UBN2: variants seen among roughly 807,000 people sequenced by gnomAD.
The protein encoded by UBN2 is ubinuclein-2.
A neutral mutation model predicts 120.2 loss-of-function variants in UBN2; 35 were observed. That is an observed-to-expected ratio of 0.29 (90% CI 0.22 to 0.39). UBN2 has a LOEUF of 0.39. Among genes scored for constraint, UBN2 ranks in the 10% least tolerant of loss-of-function variants. UBN2 has a pLI of 1.00. For missense variants in UBN2, 1,693 were observed against 1,663.2 expected, an observed-to-expected ratio of 1.02 and a Z score of -0.31; for synonymous variants, 661 against 648.7, an observed-to-expected ratio of 1.02 and a Z score of -0.29.
rs777999406 is a variant in UBN2, at chr7:139,299,624, C to CT, written c.*1789dup. The CT allele has an allele frequency of 9.2e-5, 14 of 152,072 alleles. No individual in the cohort carries two copies. The highest frequency in any genetic ancestry group is 1.6e-4 in the Non-Finnish European group (11 of 68,004). The allele number at this position is 152,072 out of a possible 1,614,324, so 9.4% of individuals were successfully genotyped here. On this transcript the variant is annotated 3_prime_UTR_variant, in exon 18 of 18. Coordinates refer to ENST00000473989, the MANE Select transcript of UBN2 (RefSeq NM_173569.4). ...GAATCACTGATATAATTTCTTGACT[C>CT]TAAGAATTTAGTTTATCAATAAAAC...
intron 17 of UBN2, among the ~76,000 whole-genome samples, chr7:139,294,507 C>G (rs1798054040): frequency 6.6e-6 from 1 of 152,174 alleles, no homozygotes; most frequent in African/African-American, 2.4e-5. Flanking sequence ...GGCCTGTATT[C>G]TTAGTGATTA....
intron 2 of UBN2, among the ~76,000 whole-genome samples, chr7:139,240,921 T>C (rs1796303389): frequency 6.6e-6 from 1 of 152,242 alleles, no homozygotes; most frequent in Non-Finnish European, 1.5e-5. Context: ...GTCCAAGTTT[T>C]GACATTTCTA....
At chr7:139,238,552 T>A (rs1038254457) in intron 2 of UBN2, among the ~76,000 whole-genome samples, 1 of 152,112 alleles carries the variant, frequency 6.6e-6, no homozygotes, top group South Asian at 2.1e-4. Flanking sequence ...GCCACCTGAG[T>A]AGCTGGGATT....
chr7:139,254,411 T>TA (rs1358645331), intron 3 of UBN2, among the ~76,000 whole-genome samples: 1 of 152,214 alleles, frequency 6.6e-6, no homozygotes, highest in Non-Finnish European at 1.5e-5. Context: ...GCCTTCGTCT[T>TA]ACAAAAAAGG....
At chr7:139,311,723 T>G (rs1011442025), downstream of UBN2, among the ~76,000 whole-genome samples, 16 of 152,360 alleles carry the variant, frequency 1.1e-4, no homozygotes, top group African/African-American at 2.9e-4. Flanking sequence ...AGCCATAGTG[T>G]TGTTTAAAAA....
At chr7:139,289,435 C>G (rs1196694243) in intron 15 of UBN2, among the ~76,000 whole-genome samples, 1 of 116,922 alleles carries the variant, frequency 8.6e-6, no homozygotes, top group Admixed American at 1.1e-4. Flanking sequence ...TTTTTTGAGA[C>G]AGGGTCTCAC....
chr7:139,322,317 C>T, the UBN2 span, among the ~76,000 whole-genome samples: 5,664 of 152,232 alleles, frequency 0.037, 158 homozygotes, highest in African/African-American at 0.065. Context: ...CAAAAAAACT[C>T]TTTAACCTGT....
chr7:139,329,161 T>C, the UBN2 span, among the ~76,000 whole-genome samples: 19 of 151,500 alleles, frequency 1.3e-4, no homozygotes, highest in African/African-American at 3.6e-4. Flanking sequence ...TAGAGGTCAG[T>C]ATGGCCAGTT....
Position 139,284,357 on chromosome 7 carries a change from A to G in UBN2, c.3452A>G (p.Asn1151Ser). The stretch of plus-strand genomic sequence containing the variant: ...CTTCAGGCCCCCTCAAAGCTAACAA[A>G]CTCATCATCCACTGGAACTGTTGGG... Reference protein sequence around the residue: ...KNLQAPSKLTNSSSTGTVGKN... With the variant: ...KNLQAPSKLTSSSSTGTVGKN... The change falls in exon 15 of 18, where the codon AAC becomes AGC. Residue 1151 changes from asparagine (N) to serine (S), a missense_variant. Physicochemically the swap from Asn to Ser is conservative, Grantham distance 46. Around this residue, in one of 5 missense-constraint regions of UBN2, gnomAD observed 837 missense variants for 817.6 expected, o/e 1.02. Transcript: ENST00000473989. 1 of 1,613,976 alleles carries G rather than the reference A, an allele frequency of 6.2e-7. No homozygotes were observed. Among genetic ancestry groups the G allele is most frequent in the South Asian group, 1.1e-5 (1 of 91,060 alleles).
chr7:139,302,017 A>G lies in UBN2; in HGVS notation c.*4181A>G, dbSNP rs1798271513. 1 of 152,194 alleles carries G rather than the reference A, an allele frequency of 6.6e-6. No homozygotes were observed. The highest frequency in any genetic ancestry group is 1.5e-5 in the Non-Finnish European group (1 of 68,030). The allele number at this position is 152,194 out of a possible 1,614,324, so 9.4% of individuals were successfully genotyped here. A position where few individuals can be genotyped will look rare whatever the true frequency, so the allele number is the denominator to read the frequency against. On this transcript the variant is annotated 3_prime_UTR_variant, in exon 18 of 18. Transcript: ENST00000473989. ...TTTAACTCTTTGTAAATCATTTCTT[A>G]GCTCTGGTAAAATGCTTATATTACT...
intron 15 of UBN2, among the ~76,000 whole-genome samples, chr7:139,287,103 A>C (rs1448280709): frequency 6.6e-6 from 1 of 152,182 alleles, no homozygotes; most frequent in Admixed American, 6.5e-5. Flanking sequence ...GCCTTCCCTT[A>C]TGAAAAAAAA....
chr7:139,317,421 C>CT, the UBN2 span, among the ~76,000 whole-genome samples: 25 of 150,432 alleles, frequency 1.7e-4, no homozygotes, highest in South Asian at 2.1e-4. Flanking sequence ...CACGTTTTTT[C>CT]TTTTTTTTTG....
rs1214590531 is a variant in UBN2, at chr7:139,307,144, T to C, written c.*9308T>C. 1.3e-5 allele frequency: 2 copies of C among 152,208 alleles called. No individual in the cohort carries two copies. The highest frequency in any genetic ancestry group is 2.9e-5 in the Non-Finnish European group (2 of 68,030). 9.4% of individuals were successfully genotyped at this position (152,208 alleles called of 1,614,324 possible). ...ACATTAGCCACCTCCACACTTGACA[T>C]AGATGCCAACATGTTTCAAAACCAA... On this transcript the variant is annotated 3_prime_UTR_variant, in exon 18 of 18. Coordinates refer to ENST00000473989, the MANE Select transcript of UBN2 (RefSeq NM_173569.4).
the UBN2 span, among the ~76,000 whole-genome samples, chr7:139,321,702 G>T: frequency 1.3e-5 from 2 of 152,128 alleles, no homozygotes; most frequent in African/African-American, 4.8e-5. Context: ...TCTCCAGAAC[G>T]CACGAGAAAA....
chr7:139,300,913 T>G lies in UBN2; in HGVS notation c.*3077T>G. ...AATAAATGCAAGCAATAATTTCCAT[T>G]ATAATTCAATTATAATTCTTGTATG... On this transcript the variant is annotated 3_prime_UTR_variant, in exon 18 of 18. Coordinates refer to ENST00000473989, the MANE Select transcript of UBN2 (RefSeq NM_173569.4). 6.6e-6 allele frequency: 1 copy of G among 152,198 alleles called. No individual in the cohort carries two copies. The highest frequency in any genetic ancestry group is 1.9e-4 in the East Asian group (1 of 5,196). 9.4% of individuals were successfully genotyped at this position (152,198 alleles called of 1,614,324 possible).
chr7:139,261,408 T>C lies in UBN2; in HGVS notation c.1062T>C (p.Ser354=), dbSNP rs1476463744. The stretch of plus-strand genomic sequence containing the variant: ...TCCCAGTGACCTTGTCAACCCCTTC[T>C]CTGAATAAACCCCCATGTGCTGCTG... ...PKVPVTLSTP[S]LNKPPCAAAA... Residue 354 remains serine (S), a synonymous_variant, in exon 6 of 18, where the codon TCT becomes TCC. Coordinates refer to ENST00000473989, the MANE Select transcript of UBN2 (RefSeq NM_173569.4). 6.2e-7 allele frequency: 1 copy of C among 1,614,204 alleles called. No individual in the cohort carries two copies. Among genetic ancestry groups the C allele is most frequent in the Non-Finnish European group, 8.5e-7 (1 of 1,180,040 alleles).
At chr7:139,292,058 C>T (rs925802007) in intron 15 of UBN2, among the ~76,000 whole-genome samples, 5 of 152,066 alleles carry the variant, frequency 3.3e-5, no homozygotes, top group Admixed American at 6.6e-5. Context: ...CGAGCCTAGC[C>T]TGGGCAACAT....
At chr7:139,264,188 A>G (rs1797022104) in intron 6 of UBN2, among the ~76,000 whole-genome samples, 1 of 152,254 alleles carries the variant, frequency 6.6e-6, no homozygotes, top group African/African-American at 2.4e-5. Context: ...TTATTTCAAC[A>G]GTTGTACTAT....
intron 12 of UBN2, chr7:139,276,453 G>T (rs955784101): frequency 2.1e-5 from 8 of 376,090 alleles, no homozygotes; most frequent in Admixed American, 8.6e-5. Context: ...ACCTCTTAAT[G>T]TCCATCTGCA....
Sources: gnomAD v4.1 joint callset for allele counts (sites outside exome capture counted in the v4.1 genomes callset) on GRCh38, gnomAD v4.1.1 for gene constraint, gnomAD v4.1.1 regional missense constraint, MANE v1.5 for transcripts, NCBI Gene and HGNC (gene_info 2026-07-23, HGNC 2026-07-21) for gene names.